Variants in CENPL observed in about 807,000 individuals in gnomAD.
CENPL encodes the protein centromere protein L, also known as interphase centromere complex protein 33.
Under a neutral mutation model 35.2 loss-of-function variants are expected in CENPL, and 20 were observed. That is an observed-to-expected ratio of 0.57 (90% CI 0.40 to 0.83). CENPL has a LOEUF of 0.83. Among genes scored for constraint, CENPL ranks in the 40% least tolerant of loss-of-function variants. The pLI is 0.00. For synonymous variants in CENPL, 140 were observed against 140.6 expected (o/e 1.00, Z 0.03); for missense variants, 363 against 395.8 (o/e 0.92, Z 0.70).
chr1:173,814,363 A>T (rs1477532635), intron 2 of CENPL, among the ~76,000 whole-genome samples: 2 of 152,258 alleles, frequency 1.3e-5, no homozygotes, highest in East Asian at 3.9e-4. Flanking sequence ...TCTCCACCCC[A>T]AATCAACAGA....
rs1651871044 is a variant in CENPL, at chr1:173,820,770, G to A, written c.-8+3156C>T. On this transcript the variant is annotated intron_variant, in intron 2 of 5. Coordinates refer to ENST00000682279, the MANE Select transcript of CENPL (RefSeq NM_001387287.1). ...AAATTATTGATACATGCAACAACTT[G>A]GATGTTAAAGCCAATCCAAAAAGGT... is the stretch of plus-strand genomic sequence containing the variant. Among the ~76,000 whole-genome samples the A allele has an allele frequency of 1.3e-5, 2 of 152,076 alleles. 1 individual carries two copies. Among genetic ancestry groups the A allele is most frequent in the South Asian group, 4.1e-4 (2 of 4,828 alleles).
chr1:173,817,133 G>A (rs553941276), intron 2 of CENPL, among the ~76,000 whole-genome samples: 74 of 150,548 alleles, frequency 4.9e-4, no homozygotes, highest in African/African-American at 1.3e-3. Context: ...GCGAGACTCC[G>A]TCTCAGAAAA....
intron 2 of CENPL, among the ~76,000 whole-genome samples, chr1:173,816,492 AC>A (rs1380075213): frequency 1.3e-5 from 2 of 152,176 alleles, no homozygotes; most frequent in African/African-American, 4.8e-5. Context: ...AGAGATATAG[AC>A]CAATGGAACA....
At chr1:173,814,700 T>G (rs1374905550) in intron 2 of CENPL, among the ~76,000 whole-genome samples, 2 of 152,112 alleles carry the variant, frequency 1.3e-5, no homozygotes, top group Non-Finnish European at 2.9e-5. Flanking sequence ...AGAGGAAAAT[T>G]TATAGCACTA....
chr1:173,806,211 C>A (rs566065095), intron 4 of CENPL, among the ~76,000 whole-genome samples: 1 of 152,342 alleles, frequency 6.6e-6, no homozygotes, highest in South Asian at 2.1e-4. Flanking sequence ...TTTTCAACTG[C>A]TTGAGAACTT....
At chr1:173,810,933 T>C (rs1473236975) in intron 3 of CENPL, among the ~76,000 whole-genome samples, 199 bp downstream of exon 3, 3 of 151,920 alleles carry the variant, frequency 2.0e-5, no homozygotes, top group South Asian at 2.1e-4. Context: ...AATAAATAAA[T>C]ACATAAATAC....
At chr1:173,802,809 GACTGCAATAA>G (rs1226191420) in intron 5 of CENPL, among the ~76,000 whole-genome samples, 144 bp downstream of exon 5, 9 of 152,136 alleles carry the variant, frequency 5.9e-5, no homozygotes, top group Admixed American at 6.5e-5. Context: ...GAAGGCTAAA[GACTGCAATAA>G]ACCATAAACC....
chr1:173,808,797 C>T (rs567155820), intron 3 of CENPL, among the ~76,000 whole-genome samples: 16 of 152,198 alleles, frequency 1.1e-4, no homozygotes, highest in African/African-American at 3.6e-4. Context: ...TGGACGACAA[C>T]CTAGGCAATA....
chr1:173,818,188 A>G (rs1651606031), intron 2 of CENPL, among the ~76,000 whole-genome samples: 1 of 152,178 alleles, frequency 6.6e-6, no homozygotes, highest in South Asian at 2.1e-4. Context: ...AAAATGTTAA[A>G]AAAAAAATCT....
At chr1:173,814,095 G>A (rs147668145) in intron 2 of CENPL, among the ~76,000 whole-genome samples, 12 of 152,132 alleles carry the variant, frequency 7.9e-5, no homozygotes, top group East Asian at 7.7e-4. Flanking sequence ...ACTACATAAC[G>A]GTAAAGAGAT....
At chr1:173,811,792 G>C (rs1268380245) in intron 2 of CENPL, among the ~76,000 whole-genome samples, 1 of 152,222 alleles carries the variant, frequency 6.6e-6, no homozygotes. Context: ...TGAGGTAACT[G>C]GTTCATCTCA....
At position 173,811,240 on chromosome 1, in the gene CENPL, G is replaced by A; in HGVS notation, c.60C>T (p.Tyr20=). 6.2e-7 allele frequency: 1 copy of A among 1,613,134 alleles called. No individual in the cohort carries two copies. Among genetic ancestry groups the A allele is most frequent in the East Asian group, 2.2e-5 (1 of 44,868 alleles). ...TPSASSRPED[Y]FIGATPLQKR... ...TCTGCAGAGGAGTGGCACCTATAAA[G>A]TAATCTTCAGGTCTTGAGGATGCAC... The change falls in exon 3 of 6, where the codon TAC becomes TAT. Residue 20 remains tyrosine, a synonymous_variant. Transcript: ENST00000682279.
intron 2 of CENPL, among the ~76,000 whole-genome samples, chr1:173,818,538 T>C (rs1221446735): frequency 6.6e-6 from 1 of 152,214 alleles, no homozygotes; most frequent in Admixed American, 6.5e-5. Flanking sequence ...TTTTTAACCT[T>C]TTGGTCCTGA....
intron 3 of CENPL, among the ~76,000 whole-genome samples, chr1:173,810,509 C>T (rs1465865941): frequency 6.6e-6 from 1 of 151,970 alleles, no homozygotes; most frequent in Non-Finnish European, 1.5e-5. Flanking sequence ...ACATATACCC[C>T]TTAACTTAAA....
chr1:173,808,096 T>A (rs945596826), intron 3 of CENPL, among the ~76,000 whole-genome samples: 1 of 152,126 alleles, frequency 6.6e-6, no homozygotes, highest in African/African-American at 2.4e-5. Flanking sequence ...AGTATCTAAT[T>A]TGATTAGTCT....
intron 2 of CENPL, among the ~76,000 whole-genome samples, chr1:173,816,042 AACAG>A (rs1651341835): frequency 6.6e-6 from 1 of 152,184 alleles, no homozygotes; most frequent in African/African-American, 2.4e-5. Flanking sequence ...ATACACCAAT[AACAG>A]ACAGAGAGCA....
At chr1:173,813,276 C>A (rs564931129) in intron 2 of CENPL, among the ~76,000 whole-genome samples, 2 of 152,086 alleles carry the variant, frequency 1.3e-5, no homozygotes, top group African/African-American at 2.4e-5. Flanking sequence ...GGAGAACTTC[C>A]CCAACCTAGC....
chr1:173,807,581 A>G, intron 3 of CENPL, 63 bp from the exon 4 acceptor site: 1 of 1,321,446 alleles, frequency 7.6e-7, no homozygotes, highest in Non-Finnish European at 1.0e-6. Flanking sequence ...ATTTAATCAT[A>G]GCATTTAAAA....
intron 4 of CENPL, among the ~76,000 whole-genome samples, chr1:173,804,919 C>A (rs1650070952): frequency 6.6e-6 from 1 of 152,176 alleles, no homozygotes. Context: ...TTACACAGTT[C>A]TTTTAACATA....
Sources: gnomAD v4.1 joint callset for allele counts (sites outside exome capture counted in the v4.1 genomes callset) on GRCh38, gnomAD v4.1.1 for gene constraint, MANE v1.5 for transcripts, NCBI Gene and HGNC (gene_info 2026-07-23, HGNC 2026-07-21) for gene names.